PPP6C: variants seen among roughly 807,000 people sequenced by gnomAD.
The protein encoded by PPP6C is serine/threonine-protein phosphatase 6 catalytic subunit.
A neutral mutation model predicts 39.8 loss-of-function variants in PPP6C; 11 were observed. The observed-to-expected ratio is 0.28, with a 90% CI of 0.17 to 0.46. The LOEUF (loss-of-function observed/expected upper bound fraction) is 0.46, where lower values mean the gene tolerates loss of function less well. Ranked by LOEUF, PPP6C falls within the 20% of genes least tolerant of loss-of-function variation. The probability of loss-of-function intolerance (pLI) is 1.00; values close to 1 mark genes in which losing one functional copy is unlikely to be tolerated. For synonymous variants in PPP6C, 129 were observed against 130.3 expected (o/e 0.99, Z 0.07); for missense variants, 211 against 373.9 (o/e 0.56, Z 3.59).
Position 125,189,714 on chromosome 9 carries a change from G to C in PPP6C, c.5C>G (p.Ala2Gly). ...CACATACTTGTCCAGGTCTAGCGGCGCCATTTTAAGAATAACAAGCCGCGG... is the reference window on the plus strand; with the variant it reads ...CACATACTTGTCCAGGTCTAGCGGCCCCATTTTAAGAATAACAAGCCGCGG... M[A>G]PLDLDKYVEI... is the part of the protein sequence containing the mutation. The change falls in exon 1 of 7, where the codon GCG becomes GGG. Residue 2 changes from alanine (A) to glycine (G), a missense_variant. Physicochemically the swap from Ala to Gly is moderately conservative, Grantham distance 60. Around this residue, in one of 2 missense-constraint regions of PPP6C, gnomAD observed 43 missense variants for 31.3 expected, o/e 1.38. Transcript: ENST00000373547. 6.3e-7 allele frequency: 1 copy of C among 1,584,282 alleles called. No homozygotes were observed. Among genetic ancestry groups the C allele is most frequent in the Non-Finnish European group, 8.5e-7 (1 of 1,169,810 alleles).
At position 125,147,916 on chromosome 9, in the gene PPP6C, A is replaced by G. The variant is rs1403625068; in HGVS notation, c.*1757T>C. On this transcript the variant is annotated 3_prime_UTR_variant, in exon 7 of 7. Coordinates refer to ENST00000373547, the MANE Select transcript of PPP6C (RefSeq NM_002721.5). ...AAATACATAGCTACATATCCCTGTG[A>G]GATAAAAATACCTTTCCACCTGAAT... The G allele has an allele frequency of 5.4e-6, 1 of 186,220 alleles. No individual in the cohort carries two copies. The highest frequency in any genetic ancestry group is 4.2e-5 in the Admixed American group (1 of 23,640). The allele number at this position is 186,220 out of a possible 1,614,324, so 11.5% of individuals were successfully genotyped here.
At chr9:125,170,993 A>T in intron 2 of PPP6C, 92 bp downstream of exon 2, 1 of 779,746 alleles carries the variant, frequency 1.3e-6, no homozygotes, top group Non-Finnish European at 1.9e-6. Flanking sequence ...GTGTTTGTTG[A>T]TGTTGTTGTT....
At chr9:125,157,887 C>T (rs534327949) in intron 4 of PPP6C, among the ~76,000 whole-genome samples, 1 of 152,062 alleles carries the variant, frequency 6.6e-6, no homozygotes, top group South Asian at 2.1e-4. Flanking sequence ...GAAGGGGTTT[C>T]ACCATATTGG....
At chr9:125,171,478 C>CACACATATATATATAT (rs1171157245) in intron 1 of PPP6C, among the ~76,000 whole-genome samples, 2 of 83,512 alleles carry the variant, frequency 2.4e-5, no homozygotes, top group Non-Finnish European at 2.2e-5. Flanking sequence ...CACACACACA[C>CACACATATATATATAT]ATATATATAT....
intron 2 of PPP6C, among the ~76,000 whole-genome samples, chr9:125,162,588 A>G (rs1828907000): frequency 6.6e-6 from 1 of 151,872 alleles, no homozygotes; most frequent in Non-Finnish European, 1.5e-5. Flanking sequence ...ACTGGCCAAC[A>G]TGGTGAAACC....
rs188025936 is a variant in PPP6C at position 125,168,702 on chromosome 9, C to T, written c.171+2383G>A. Among the ~76,000 whole-genome samples the T allele has an allele frequency of 2.0e-5, 3 of 151,936 alleles. No individual in the cohort carries two copies. The East Asian group carries it at 5.8e-4, about 30-fold the overall frequency. ...TCGATCTCTTGCCCTCGTGATCCAC[C>T]CACCTCAGCCTCCCAAAGTGCTGGG... On this transcript the variant is annotated intron_variant, in intron 2 of 6. Coordinates refer to ENST00000373547, the MANE Select transcript of PPP6C (RefSeq NM_002721.5).
rs1288936354 is a variant in PPP6C at position 125,147,631 on chromosome 9, T to C, written c.*2042A>G. On this transcript the variant is annotated 3_prime_UTR_variant, in exon 7 of 7. Coordinates refer to ENST00000373547, the MANE Select transcript of PPP6C (RefSeq NM_002721.5). ...ATATTATTGGCACGTGCCCAACTAG[T>C]GACAAACAAATGCAGTACACAATGA... 6.6e-6 allele frequency: 1 copy of C among 152,082 alleles called. No homozygotes were observed. Among genetic ancestry groups the C allele is most frequent in the East Asian group, 1.9e-4 (1 of 5,196 alleles). 9.4% of individuals were successfully genotyped at this position (152,082 alleles called of 1,614,324 possible).
intron 1 of PPP6C, among the ~76,000 whole-genome samples, chr9:125,173,976 GA>G (rs1257030132): frequency 6.6e-6 from 1 of 152,116 alleles, no homozygotes; most frequent in Non-Finnish European, 1.5e-5. Flanking sequence ...TTTGTCCACT[GA>G]AAGTAATCAA....
intron 1 of PPP6C, among the ~76,000 whole-genome samples, chr9:125,180,071 A>G (rs998187880): frequency 8.5e-5 from 13 of 152,220 alleles, no homozygotes; most frequent in African/African-American, 3.1e-4. Context: ...AACCATCACC[A>G]TAATCAATTT....
chr9:125,188,830 T>G (rs1829592353), intron 1 of PPP6C: 1 of 512,594 alleles, frequency 2.0e-6, no homozygotes, highest in Non-Finnish European at 2.9e-6. Context: ...TTAAAAAGTT[T>G]TAAAAAAGAA....
chr9:125,152,699 G>A (rs1269625068), intron 6 of PPP6C, among the ~76,000 whole-genome samples: 1 of 151,774 alleles, frequency 6.6e-6, no homozygotes, highest in Non-Finnish European at 1.5e-5. Context: ...GCGTGGTGGT[G>A]TACACCTGTA....
intron 1 of PPP6C, among the ~76,000 whole-genome samples, chr9:125,178,546 G>A (rs979197826): frequency 1.3e-5 from 2 of 152,092 alleles, no homozygotes; most frequent in Non-Finnish European, 1.5e-5. Context: ...CAGGCAAGTA[G>A]GCTACAGTGA....
At chr9:125,158,100 T>A (rs1836125627) in intron 4 of PPP6C, 141 bp downstream of exon 4, 1 of 866,998 alleles carries the variant, frequency 1.2e-6, no homozygotes, top group Non-Finnish European at 1.8e-6. Context: ...GAGCATAAGA[T>A]TTTCAATTGT....
intron 2 of PPP6C, among the ~76,000 whole-genome samples, chr9:125,165,783 A>G (rs1009814784): frequency 7.1e-6 from 1 of 139,966 alleles, no homozygotes; most frequent in African/African-American, 2.7e-5. Context: ...AAACCATAAC[A>G]GTAATCTTTT....
chr9:125,154,484 G>A (rs1241948676), intron 4 of PPP6C, among the ~76,000 whole-genome samples: 1 of 152,186 alleles, frequency 6.6e-6, no homozygotes. Context: ...TCATTATGTG[G>A]CACATGACTG....
At chr9:125,172,770 C>A (rs537820701) in intron 1 of PPP6C, among the ~76,000 whole-genome samples, 3 of 150,622 alleles carry the variant, frequency 2.0e-5, no homozygotes, top group African/African-American at 4.9e-5. Flanking sequence ...CACACACACA[C>A]AAACACAAGT....
In PPP6C at chr9:125,186,704, T is replaced by G. The variant is rs377474332; in HGVS notation, c.75+2940A>C. 4.0e-5 allele frequency among the ~76,000 whole-genome samples: 6 copies of G among 151,850 alleles called. No homozygotes were observed. The South Asian group carries it at 1.0e-3, about 26-fold the overall frequency. ...GGTCGAGGCTGCAATGAGCCATGAT[T>G]GTGCCACCACACTACAGCATGGGTG... On this transcript the variant is annotated intron_variant, in intron 1 of 6. Transcript: ENST00000373547.
At chr9:125,175,354 G>C (rs1264860331) in intron 1 of PPP6C, among the ~76,000 whole-genome samples, 1 of 151,324 alleles carries the variant, frequency 6.6e-6, no homozygotes, top group African/African-American at 2.4e-5. Flanking sequence ...AATTACCTAC[G>C]CCGGCCGGGC....
intron 1 of PPP6C, among the ~76,000 whole-genome samples, chr9:125,171,542 G>GT (rs1260536181): frequency 7.7e-6 from 1 of 130,200 alleles, no homozygotes. Context: ...ACAGTAAAAG[G>GT]TTTTTGGGTT....
Sources: allele counts gnomAD v4.1 joint callset (sites outside exome capture counted in the v4.1 genomes callset), GRCh38; gene constraint gnomAD v4.1.1; regional missense constraint gnomAD v4.1.1; transcripts MANE v1.5; gene names NCBI Gene and HGNC (gene_info 2026-07-23, HGNC 2026-07-21).